The following IQCM variants were observed in gnomAD, a reference collection of about 807,000 sequenced individuals.
IQCM encodes IQ motif containing M.
A neutral mutation model predicts 57.6 loss-of-function variants in IQCM; 45 were observed. That is an observed-to-expected ratio of 0.78 (90% CI 0.62 to 1.00). IQCM has a LOEUF of 1.00. Ranked by LOEUF, IQCM falls within the 50% of genes least tolerant of loss-of-function variation. IQCM has a pLI of 0.00. For missense variants in IQCM, 468 were observed against 511.6 expected, an observed-to-expected ratio of 0.91 and a Z score of 0.82; for synonymous variants, 148 against 158.9, an observed-to-expected ratio of 0.93 and a Z score of 0.51.
intron 13 of IQCM, among the ~76,000 whole-genome samples, chr4:149,388,548 T>C (rs947005054): frequency 1.5e-5 from 2 of 132,834 alleles, no homozygotes; most frequent in Admixed American, 7.9e-5. Context: ...TTATATATAA[T>C]ATATATAATA....
chr4:149,364,733 A>G (rs542019668), intron 13 of IQCM, among the ~76,000 whole-genome samples: 40 of 152,338 alleles, frequency 2.6e-4, no homozygotes, highest in Non-Finnish European at 5.0e-4. Flanking sequence ...TGTAGCTTAT[A>G]GAATATTGAA....
intron 2 of IQCM, among the ~76,000 whole-genome samples, chr4:149,746,030 T>C (rs1443717551): frequency 2.7e-5 from 4 of 150,808 alleles, no homozygotes; most frequent in African/African-American, 9.9e-5. Context: ...TAATTCAGTA[T>C]TCTTTTGGCA....
intron 12 of IQCM, among the ~76,000 whole-genome samples, chr4:149,505,771 C>T (rs776909158): frequency 5.9e-5 from 9 of 152,134 alleles, no homozygotes; most frequent in Non-Finnish European, 1.2e-4. Context: ...ATTCTCCATT[C>T]TCTATCTAGA....
chr4:149,455,109 C>T (rs1349046601), intron 12 of IQCM, among the ~76,000 whole-genome samples: 1 of 151,968 alleles, frequency 6.6e-6, no homozygotes, highest in African/African-American at 2.4e-5. Context: ...GGGTTACATC[C>T]TGAAAAACCC....
At chr4:149,746,137 C>A (rs1210950734) in intron 2 of IQCM, among the ~76,000 whole-genome samples, 1 of 152,034 alleles carries the variant, frequency 6.6e-6, no homozygotes, top group African/African-American at 2.4e-5. Context: ...GATATTATGG[C>A]AAATGGAAGT....
intron 2 of IQCM, among the ~76,000 whole-genome samples, chr4:149,795,069 G>A (rs1772990769): frequency 6.6e-6 from 1 of 152,020 alleles, no homozygotes; most frequent in Non-Finnish European, 1.5e-5. Context: ...AAGAACTAAA[G>A]GGAAATTCTA....
intron 13 of IQCM, among the ~76,000 whole-genome samples, chr4:149,410,562 A>C (rs1481199452): frequency 6.6e-6 from 1 of 151,598 alleles, no homozygotes; most frequent in Non-Finnish European, 1.5e-5. Context: ...CTGGCTTGTC[A>C]TGAAAAATTT....
intron 9 of IQCM, among the ~76,000 whole-genome samples, chr4:149,570,996 C>A (rs2149958839): frequency 6.6e-6 from 1 of 152,082 alleles, no homozygotes; most frequent in South Asian, 2.1e-4. Context: ...GAAAAGACAG[C>A]AAGTATTGGA....
chr4:149,541,826 G>A (rs1382588078), intron 12 of IQCM, among the ~76,000 whole-genome samples: 1 of 152,078 alleles, frequency 6.6e-6, no homozygotes, highest in Non-Finnish European at 1.5e-5. Flanking sequence ...CCCACTTGGT[G>A]TCGTACACTA....
intron 2 of IQCM, among the ~76,000 whole-genome samples, chr4:149,765,271 G>T (rs977152826): frequency 6.6e-6 from 1 of 152,022 alleles, no homozygotes; most frequent in Non-Finnish European, 1.5e-5. Flanking sequence ...CAATAAAGGT[G>T]GCATTATTAT....
At chr4:149,812,300 T>C (rs1202937094) in intron 2 of IQCM, among the ~76,000 whole-genome samples, 3 of 152,142 alleles carry the variant, frequency 2.0e-5, no homozygotes, top group African/African-American at 7.2e-5. Context: ...CTTTTTAGAT[T>C]AGTTACATGT....
intron 7 of IQCM, among the ~76,000 whole-genome samples, chr4:149,632,985 C>G (rs1168300920): frequency 6.6e-6 from 1 of 150,568 alleles, no homozygotes; most frequent in Non-Finnish European, 1.5e-5. Context: ...CAAGGTGAAA[C>G]CCCGTCTCTA....
chr4:149,437,886 A>C (rs1347412352), intron 12 of IQCM, among the ~76,000 whole-genome samples: 1 of 152,078 alleles, frequency 6.6e-6, no homozygotes, highest in Non-Finnish European at 1.5e-5. Context: ...TTTACATTGA[A>C]CCCTGGAGAT....
At chr4:149,675,106 A>T (rs1165124503) in intron 7 of IQCM, among the ~76,000 whole-genome samples, 1 of 152,086 alleles carries the variant, frequency 6.6e-6, no homozygotes, top group African/African-American at 2.4e-5. Flanking sequence ...AAAAGAGCTC[A>T]AGGAGTAGAA....
rs561329184 is a variant in IQCM at position 149,662,894 on chromosome 4, T to C, written c.565+19224A>G. ...TCTTTTAATTAGGGGATTTAACCCA[T>C]TTACATTCTACATTATTATTGATAG... On this transcript the variant is annotated intron_variant, in intron 7 of 13. Coordinates refer to ENST00000636793, the MANE Select transcript of IQCM (RefSeq NM_001363507.2). Among the ~76,000 whole-genome samples, 3 of 152,124 alleles carry C rather than the reference T, an allele frequency of 2.0e-5. No individual in the cohort carries two copies. The East Asian group carries it at 5.8e-4, about 29-fold the overall frequency.
At chr4:149,624,780 T>A (rs547044162) in intron 7 of IQCM, among the ~76,000 whole-genome samples, 4 of 152,336 alleles carry the variant, frequency 2.6e-5, no homozygotes, top group African/African-American at 9.6e-5. Context: ...TTGGTCAACT[T>A]AGAAACCAAA....
intron 7 of IQCM, among the ~76,000 whole-genome samples, chr4:149,634,166 C>T (rs537509067): frequency 4.1e-4 from 62 of 152,172 alleles, no homozygotes; most frequent in African/African-American, 1.3e-3. Flanking sequence ...CACGCCACCA[C>T]ACCTGGCTAA....
chr4:149,671,103 A>T (rs1040156001), intron 7 of IQCM, among the ~76,000 whole-genome samples: 29 of 151,992 alleles, frequency 1.9e-4, no homozygotes, highest in African/African-American at 6.0e-4. Flanking sequence ...TTGACTGTGA[A>T]TCCATCTGGT....
chr4:149,443,633 A>G (rs1736189283), intron 12 of IQCM, among the ~76,000 whole-genome samples: 1 of 150,346 alleles, frequency 6.7e-6, no homozygotes, highest in African/African-American at 2.5e-5. Flanking sequence ...TTGAATTAAA[A>G]TAACTAAAGA....
Sources: gnomAD v4.1 joint callset for allele counts (sites outside exome capture counted in the v4.1 genomes callset) on GRCh38, gnomAD v4.1.1 for gene constraint, MANE v1.5 for transcripts, NCBI Gene and HGNC (gene_info 2026-07-23, HGNC 2026-07-21) for gene names.